The following TANGO6 variants were observed in gnomAD, a reference collection of about 807,000 sequenced individuals.
TANGO6 encodes transport and golgi organization 6 homolog.
TANGO6 carries 90 observed loss-of-function variants against 114.2 expected under a neutral mutation model. That is an observed-to-expected ratio of 0.79 (90% CI 0.66 to 0.94). TANGO6 has a LOEUF of 0.94. Among genes scored for constraint, TANGO6 ranks in the 40% least tolerant of loss-of-function variants. The probability of loss-of-function intolerance (pLI) is 0.00; values close to 1 mark genes in which losing one functional copy is unlikely to be tolerated. For synonymous variants in TANGO6, 477 were observed against 509.8 expected (o/e 0.94, Z 0.87); for missense variants, 1,274 against 1,315.3 (o/e 0.97, Z 0.49).
chr16:68,855,371 C>T (rs1354316975), intron 1 of TANGO6, among the ~76,000 whole-genome samples: 1 of 151,546 alleles, frequency 6.6e-6, no homozygotes, highest in Non-Finnish European at 1.5e-5. Flanking sequence ...CACCTGAGCT[C>T]AGGAGTTTGA....
Position 68,860,150 on chromosome 16 carries a change from C to G in TANGO6, c.361C>G (p.Pro121Ala). The G allele has an allele frequency of 6.2e-7, 1 of 1,613,976 alleles. No individual in the cohort carries two copies. The highest frequency in any genetic ancestry group is 1.7e-5 in the Admixed American group (1 of 60,016). ...TGCAGCTAATTTCAATCCAGGTAAA[C>G]CCAACCCTAGGACTCCGGAAGTTGC... ...RLAANFNPGK[P>A]NPRTPEVAPA... The change falls in exon 2 of 18, where the codon CCC becomes GCC. Residue 121 changes from proline (P) to alanine (A), a missense_variant. This residue lies in a region of TANGO6 where 908 missense variants were observed against 910.2 expected (regional missense o/e 1.00). Coordinates refer to ENST00000261778, the MANE Select transcript of TANGO6 (RefSeq NM_024562.2).
At chr16:68,862,641 T>A (rs1962114186) in intron 2 of TANGO6, among the ~76,000 whole-genome samples, 1 of 152,170 alleles carries the variant, frequency 6.6e-6, no homozygotes, top group Non-Finnish European at 1.5e-5. Context: ...GTGCAGTCAC[T>A]GTCAAAAGAC....
Position 68,907,504 on chromosome 16 carries a change from C to A in TANGO6, c.1729C>A (p.His577Asn). The change falls in exon 10 of 18, where the codon CAT becomes AAT. Residue 577 changes from histidine to asparagine, a missense_variant. This residue lies in a region of TANGO6 where 908 missense variants were observed against 910.2 expected (regional missense o/e 1.00). Coordinates refer to ENST00000261778, the MANE Select transcript of TANGO6 (RefSeq NM_024562.2). ...ATCCTCTGAGCAGGGCCGGGTGGAG[C>A]ATCTCGGGGACTTGCTGTCCCACTG... Reference protein sequence around the residue: ...KVSSEQGRVEHLGDLLSHCQE... With the variant: ...KVSSEQGRVENLGDLLSHCQE... The A allele has an allele frequency of 6.2e-7, 1 of 1,613,032 alleles. No individual in the cohort carries two copies. The highest frequency in any genetic ancestry group is 8.5e-7 in the Non-Finnish European group (1 of 1,179,618).
intron 17 of TANGO6, among the ~76,000 whole-genome samples, chr16:69,080,405 C>T (rs964319516): frequency 1.3e-5 from 2 of 152,062 alleles, no homozygotes; most frequent in Non-Finnish European, 2.9e-5. Flanking sequence ...AATAAAAATG[C>T]CAAGCATGGT....
At chr16:69,014,441 C>A (rs556530216) in intron 15 of TANGO6, among the ~76,000 whole-genome samples, 1 of 152,280 alleles carries the variant, frequency 6.6e-6, no homozygotes, top group Non-Finnish European at 1.5e-5. Flanking sequence ...ATGTCCACCA[C>A]GATTCACTTA....
intron 14 of TANGO6, among the ~76,000 whole-genome samples, chr16:68,949,146 A>T (rs1963445472): frequency 6.6e-6 from 1 of 152,152 alleles, no homozygotes; most frequent in South Asian, 2.1e-4. Context: ...AGATCGCGCC[A>T]TTGCCCTCTA....
chr16:68,928,192 C>T, intron 13 of TANGO6, 109 bp downstream of exon 13: 2 of 1,330,524 alleles, frequency 1.5e-6, no homozygotes, highest in South Asian at 1.6e-5. Flanking sequence ...GGACCACCCT[C>T]CAGAAATTTG....
rs1306537383 is a variant in TANGO6, at chr16:68,980,670, C to A, written c.2842+6502C>A. ...TTTAGGTGCGTGCCACCACACCCAG[C>A]AAGGCTTTATATATTTTTATGTCTA... On this transcript the variant is annotated intron_variant, in intron 15 of 17. Transcript: ENST00000261778. 4.6e-5 allele frequency among the ~76,000 whole-genome samples: 7 copies of A among 151,704 alleles called. No homozygotes were observed. In the East Asian group the frequency reaches 1.2e-3, roughly 25 times the overall value.
At chr16:68,916,543 C>T (rs1442388933) in intron 11 of TANGO6, among the ~76,000 whole-genome samples, 1 of 149,838 alleles carries the variant, frequency 6.7e-6, no homozygotes, top group Non-Finnish European at 1.5e-5. Context: ...GGGATCACTA[C>T]TGTCAATCAT....
intron 4 of TANGO6, chr16:68,867,487 A>T: frequency 3.0e-6 from 1 of 337,686 alleles, no homozygotes; most frequent in African/African-American, 2.1e-5. Context: ...AATTTATACT[A>T]TCTGGGGAAA....
chr16:68,987,060 G>A (rs1271094241), intron 15 of TANGO6, among the ~76,000 whole-genome samples: 1 of 152,190 alleles, frequency 6.6e-6, no homozygotes, highest in Non-Finnish European at 1.5e-5. Context: ...AGATGAGGGA[G>A]AAAGTTTTAA....
At chr16:68,906,039 G>T (rs1377200479) in intron 9 of TANGO6, among the ~76,000 whole-genome samples, 2 of 151,874 alleles carry the variant, frequency 1.3e-5, no homozygotes, top group Non-Finnish European at 2.9e-5. Context: ...AATTAGCTGG[G>T]CATGGTGGTG....
At chr16:69,047,999 A>G (rs886631449) in intron 17 of TANGO6, among the ~76,000 whole-genome samples, 43 of 152,286 alleles carry the variant, frequency 2.8e-4, no homozygotes, top group African/African-American at 1.0e-3. Flanking sequence ...CTTCAAAATG[A>G]TAAAAAGTCT....
In TANGO6 at chr16:68,843,838, G is replaced by A; in HGVS notation, c.94+127G>A. ...CCTCGGGACCCTCCGCCCGCTGCTG[G>A]GGGCTTTGAGCATTGTCTATGCCCG... On this transcript the variant is annotated intron_variant, in intron 1 of 17. Coordinates refer to ENST00000261778, the MANE Select transcript of TANGO6 (RefSeq NM_024562.2). 7 of 850,056 alleles carry A rather than the reference G, an allele frequency of 8.2e-6. No homozygotes were observed. In the South Asian group the frequency reaches 1.1e-4, roughly 14 times the overall value. 52.7% of individuals were successfully genotyped at this position (850,056 alleles called of 1,614,324 possible).
chr16:68,983,759 C>T (rs905472197), intron 15 of TANGO6, among the ~76,000 whole-genome samples: 2 of 152,166 alleles, frequency 1.3e-5, no homozygotes, highest in South Asian at 2.1e-4. Flanking sequence ...TAGGGCCGGG[C>T]GCGGTGGCTC....
intron 15 of TANGO6, among the ~76,000 whole-genome samples, chr16:68,983,081 C>T (rs1555526637): frequency 6.6e-6 from 1 of 151,848 alleles, no homozygotes; most frequent in Non-Finnish European, 1.5e-5. Context: ...AACTCCTGGC[C>T]TCAAATGATC....
chr16:68,860,227 G>C lies in TANGO6; in HGVS notation c.438G>C (p.Gln146His), dbSNP rs1962069632. 1 of 1,613,902 alleles carries C rather than the reference G, an allele frequency of 6.2e-7. No homozygotes were observed. The highest frequency in any genetic ancestry group is 1.3e-5 in the African/African-American group (1 of 74,928). Residue 146 changes from glutamine to histidine, a missense_variant, in exon 2 of 18, where the codon CAG (glutamine) becomes CAC (histidine). This residue lies in a region of TANGO6 where 908 missense variants were observed against 910.2 expected (regional missense o/e 1.00). Transcript: ENST00000261778. ...GTATCTCACAACAGAAGACTGTCCA[G>C]TTCGTTTTGCAGTTTGTAGTTACCT... ...ALSISQQKTV[Q>H]FVLQFVVTLG...
At chr16:68,925,251 A>G (rs1339072316) in intron 12 of TANGO6, among the ~76,000 whole-genome samples, 1 of 152,162 alleles carries the variant, frequency 6.6e-6, no homozygotes, top group African/African-American at 2.4e-5. Flanking sequence ...TGGAGGTTGC[A>G]GTGAGCCAAG....
intron 4 of TANGO6, among the ~76,000 whole-genome samples, chr16:68,871,264 A>G (rs1194503864): frequency 1.3e-5 from 2 of 152,254 alleles, no homozygotes; most frequent in East Asian, 1.9e-4. Context: ...AAAGTCTGCT[A>G]TCATTCTTAT....
Sources: gnomAD v4.1 joint callset for allele counts (sites outside exome capture counted in the v4.1 genomes callset) on GRCh38, gnomAD v4.1.1 for gene constraint, gnomAD v4.1.1 regional missense constraint, MANE v1.5 for transcripts, NCBI Gene and HGNC (gene_info 2026-07-23, HGNC 2026-07-21) for gene names.